Variants in BNIP5 observed in about 807,000 individuals in gnomAD.
BNIP5 encodes the protein BCL2 interacting protein 5, also known as protein BNIP5.
In BNIP5, 61 loss-of-function variants were observed where a neutral mutation model predicts 67.3. The ratio of observed to expected loss-of-function variants is 0.91; its 90% CI spans 0.74 to 1.12. BNIP5 has a LOEUF of 1.12. BNIP5 is among the 50% of genes most tolerant of loss of function. The pLI is 0.00. For missense variants in BNIP5, 826 were observed against 816.3 expected (o/e 1.01, Z -0.14); for synonymous variants, 317 against 319.0 (o/e 0.99, Z 0.07).
intron 3 of BNIP5, among the ~76,000 whole-genome samples, 154 bp from the exon 4 acceptor site, chr6:36,327,248 T>C (rs1328126495): frequency 6.6e-6 from 1 of 152,128 alleles, no homozygotes; most frequent in Non-Finnish European, 1.5e-5. Flanking sequence ...TGAGAGAAGG[T>C]TGGAAGATCC....
chr6:36,331,233 C>T (rs867775069), intron 1 of BNIP5, among the ~76,000 whole-genome samples: 4 of 152,220 alleles, frequency 2.6e-5, no homozygotes, highest in Non-Finnish European at 4.4e-5. Context: ...TCATTATTCT[C>T]ATTTTCCAGA....
At position 36,319,574 on chromosome 6, in the gene BNIP5, C is replaced by T. The variant is rs138094812; in HGVS notation, c.1705G>A (p.Glu569Lys). Residue 569 changes from glutamate (E) to lysine (K), a missense_variant, in exon 11 of 12, where the codon GAG becomes AAG. Coordinates refer to ENST00000437635, the MANE Select transcript of BNIP5 (RefSeq NM_001010903.5). ...RHPSFKRFFY[E>K]FSDSSLSKLV... is the part of the protein sequence containing the mutation. The stretch of plus-strand genomic sequence containing the variant: ...TTGCTGAGGGAGGAGTCCGAGAACT[C>T]GTAAAAAAACCTCTTAAAGCTGGGG... 9.3e-6 allele frequency: 15 copies of T among 1,613,020 alleles called. No individual in the cohort carries two copies. The highest frequency in any genetic ancestry group is 4.0e-5 in the African/African-American group (3 of 74,822).
At chr6:36,334,592 G>T (rs980530010) in intron 1 of BNIP5, among the ~76,000 whole-genome samples, 1 of 151,518 alleles carries the variant, frequency 6.6e-6, no homozygotes, top group Non-Finnish European at 1.5e-5. Context: ...TTGAGACAGC[G>T]CGGCTGACTG....
rs1771678796 is a variant in BNIP5, at chr6:36,323,353, TC to T, written c.1410del (p.Arg471GlyfsTer39). 6.2e-7 allele frequency: 1 copy of T among 1,614,264 alleles called. No individual in the cohort carries two copies. Reference sequence around the variant, plus strand: ...ACACACAGGGGCAGAAAGCTGGGCCTCTTGGGTCGTCGGGCCTCTGGGCTGG... The same window carrying T: ...ACACACAGGGGCAGAAAGCTGGGCCTTTGGGTCGTCGGGCCTCTGGGCTGG... ...GAASPEARRP[K>X]RPSFLPLCVG... On this transcript the variant is annotated frameshift_variant, in exon 8 of 12. Transcript: ENST00000437635. LOFTEE classifies it high-confidence loss of function.
rs1771848021 is a variant in BNIP5, at chr6:36,329,921, G to A, written c.610+160C>T. Among the ~76,000 whole-genome samples the A allele has an allele frequency of 1.4e-5, 2 of 147,540 alleles. 1 individual carries two copies. Among genetic ancestry groups the A allele is most frequent in the South Asian group, 4.2e-4 (2 of 4,796 alleles). On this transcript the variant is annotated intron_variant, in intron 2 of 11. Coordinates refer to ENST00000437635, the MANE Select transcript of BNIP5 (RefSeq NM_001010903.5). ...GAGAGGAAGGAAGGAAGGAAAGAAG[G>A]AAGGGAGGGAGGAAGGGAGGGAGGA...
intron 11 of BNIP5, among the ~76,000 whole-genome samples, chr6:36,318,848 TC>T (rs953227621): frequency 4.6e-5 from 7 of 152,170 alleles, no homozygotes; most frequent in African/African-American, 1.2e-4. Context: ...GAGAGGCTGT[TC>T]ATTAAGCAAC....
chr6:36,331,211 G>C (rs545357037), intron 1 of BNIP5, among the ~76,000 whole-genome samples: 2 of 152,116 alleles, frequency 1.3e-5, no homozygotes, highest in Non-Finnish European at 2.9e-5. Context: ...CAAAACCCTC[G>C]GGGAATGGGG....
Position 36,319,393 on chromosome 6 carries a change from T to C in BNIP5, c.1886A>G (p.Tyr629Cys). 1 of 1,614,130 alleles carries C rather than the reference T, an allele frequency of 6.2e-7. No individual in the cohort carries two copies. Among genetic ancestry groups the C allele is most frequent in the South Asian group, 1.1e-5 (1 of 91,086 alleles). The change falls in exon 11 of 12, where the codon TAC becomes TGC. Residue 629 changes from tyrosine (Y) to cysteine (C), a missense_variant. Transcript: ENST00000437635. ...CCTGTATGGGAACTGGGTGCAATTG[T>C]AGTGGTCTCTTAGGCCCATGAGGAT... The part of the protein sequence containing the change: ...MCILMGLRDH[Y>C]NCTQFPYRED...
chr6:36,322,232 C>G (rs771737588), intron 9 of BNIP5, 79 bp downstream of exon 9: 22 of 1,559,594 alleles, frequency 1.4e-5, no homozygotes, highest in Non-Finnish European at 1.7e-5. Flanking sequence ...TCAGAACCAT[C>G]CCCTATTCAG....
In BNIP5 at chr6:36,319,521, C is replaced by T; in HGVS notation, c.1758G>A (p.Val586=). The change falls in exon 11 of 12, where the codon GTG becomes GTA. Residue 586 remains valine (V), a synonymous_variant. Coordinates refer to ENST00000437635, the MANE Select transcript of BNIP5 (RefSeq NM_001010903.5). ...SKLVATLRSQ[V]AHSSKLDRNR... ...TCCTGTCCAGCTTAGAGGAGTGAGC[C>T]ACCTGGCTGCGCAGGGTGGCTACCA... 1 of 1,614,184 alleles carries T rather than the reference C, an allele frequency of 6.2e-7. No individual in the cohort carries two copies. The highest frequency in any genetic ancestry group is 8.5e-7 in the Non-Finnish European group (1 of 1,180,016).
At chr6:36,320,083 T>A (rs1771603003) in intron 10 of BNIP5, among the ~76,000 whole-genome samples, 1 of 152,132 alleles carries the variant, frequency 6.6e-6, no homozygotes, top group South Asian at 2.1e-4. Flanking sequence ...TTATATAAAA[T>A]GTTTAGTACA....
chr6:36,318,583 G>A lies in BNIP5; in HGVS notation c.1923+773C>T, dbSNP rs183389789. ...AAAAGAAAATTTAAATTAGCTAGGC[G>A]TGGTGGCATGCTCCTGTAGTCCCAG... On this transcript the variant is annotated intron_variant, in intron 11 of 11. Transcript: ENST00000437635. Among the ~76,000 whole-genome samples the A allele has an allele frequency of 2.3e-3, 349 of 151,928 alleles. 2 individuals carry two copies. The highest frequency in any genetic ancestry group is 8.1e-3 in the African/African-American group (334 of 41,424).
Position 36,330,142 on chromosome 6 carries a change from C to A in BNIP5, c.549G>T (p.Gly183=), listed in dbSNP as rs1360046638. 3 of 1,613,162 alleles carry A rather than the reference C, an allele frequency of 1.9e-6. No individual in the cohort carries two copies. Among genetic ancestry groups the A allele is most frequent in the Non-Finnish European group, 2.5e-6 (3 of 1,180,016 alleles). Residue 183 remains glycine (G), a synonymous_variant, in exon 2 of 12, where the codon GGG becomes GGT. Transcript: ENST00000437635. Reference sequence around the variant, plus strand: ...GCAAGGCAGCAGCTGCCTTGGACAACCCTTCCTCTCGGCCTCTGGCCTCCT... The same window carrying A: ...GCAAGGCAGCAGCTGCCTTGGACAAACCTTCCTCTCGGCCTCTGGCCTCCT... The part of the protein sequence containing the change: ...QDQEARGREE[G]LSKAAAALRS...
chr6:36,317,342 G>C lies in BNIP5; in HGVS notation c.*14C>G, dbSNP rs181063776. On this transcript the variant is annotated 3_prime_UTR_variant, in exon 12 of 12. Transcript: ENST00000437635. ...TTGGCTAGTTCAAGGGAATTTGAGT[G>C]CAAGACACAGCTTTCAATCTGGACT... is the stretch of plus-strand genomic sequence containing the variant. 9 of 1,610,882 alleles carry C rather than the reference G, an allele frequency of 5.6e-6. No homozygotes were observed. The Admixed American group carries it at 1.3e-4, about 24-fold the overall frequency.
chr6:36,335,397 G>A (rs979100640), intron 1 of BNIP5, among the ~76,000 whole-genome samples: 8 of 152,094 alleles, frequency 5.3e-5, no homozygotes, highest in African/African-American at 1.7e-4. Context: ...CACACACGTG[G>A]ACCCACAGTC....
intron 7 of BNIP5, 110 bp downstream of exon 7, chr6:36,324,019 G>C: frequency 1.2e-6 from 1 of 801,380 alleles, no homozygotes; most frequent in Non-Finnish European, 2.1e-6. Context: ...AAAAAAAGGA[G>C]GGACTGGAGC....
intron 7 of BNIP5, 114 bp from the exon 8 acceptor site, chr6:36,323,647 T>C (rs1771687982): frequency 1.7e-6 from 2 of 1,208,562 alleles, no homozygotes; most frequent in Non-Finnish European, 2.4e-6. Context: ...AGAAGAGTGG[T>C]TGATGCTCAG....
At chr6:36,319,211 T>G in intron 11 of BNIP5, 145 bp downstream of exon 11, 1 of 820,496 alleles carries the variant, frequency 1.2e-6, no homozygotes, top group Non-Finnish European at 1.9e-6. Flanking sequence ...AAGGCCTCAG[T>G]GAGGAGGTGA....
rs371319628 is a variant in BNIP5 at position 36,330,700 on chromosome 6, A to G, written c.-4-6T>C. 2.9e-5 allele frequency: 45 copies of G among 1,539,370 alleles called. No individual in the cohort carries two copies. The African/African-American group carries it at 5.1e-4, about 18-fold the overall frequency. ...ACCTTGGATTCTCCATCGGGCTGCA[A>G]CCAAAACACACAGCTCCCTTAGTTT... On this transcript the variant is annotated splice_polypyrimidine_tract_variant and splice_region_variant and intron_variant, in intron 1 of 11. Transcript: ENST00000437635.
Sources: gnomAD v4.1 joint callset for allele counts (sites outside exome capture counted in the v4.1 genomes callset) on GRCh38, gnomAD v4.1.1 for gene constraint, MANE v1.5 for transcripts, NCBI Gene and HGNC (gene_info 2026-07-23, HGNC 2026-07-21) for gene names.